Variants in ENAH observed in about 807,000 individuals in gnomAD.
ENAH encodes ENAH actin regulator, also known as protein enabled homolog.
ENAH carries 23 observed loss-of-function variants against 78.7 expected under a neutral mutation model. The ratio of observed to expected loss-of-function variants is 0.29; its 90% CI spans 0.21 to 0.41. The LOEUF (loss-of-function observed/expected upper bound fraction) is 0.41. Ranked by LOEUF, ENAH falls within the 10% of genes least tolerant of loss-of-function variation. The pLI is 1.00. For synonymous variants in ENAH, 226 were observed against 241.0 expected (o/e 0.94, Z 0.58); for missense variants, 544 against 691.0 (o/e 0.79, Z 2.39).
At chr1:225,501,096 G>T in intron 11 of ENAH, 26 bp from the exon 12 acceptor site, 1 of 1,572,648 alleles carries the variant, frequency 6.4e-7, no homozygotes, top group Non-Finnish European at 8.7e-7. Context: ...TTCCAGGACA[G>T]GTAAACAACA....
rs900264512 is a variant in ENAH, at chr1:225,603,855, G to C, written c.6-36441C>G. ...AAATTTAAGTAGCTAATGGCTATGG[G>C]TTTAAATGGTCAAAATAAAAATTGC... On this transcript the variant is annotated intron_variant, in intron 1 of 13. Transcript: ENST00000366843. Among the ~76,000 whole-genome samples the C allele has an allele frequency of 2.6e-5, 4 of 152,292 alleles. No individual in the cohort carries two copies. The South Asian group carries it at 8.3e-4, about 32-fold the overall frequency.
chr1:225,544,043 T>C (rs1168208399), intron 3 of ENAH, among the ~76,000 whole-genome samples: 1 of 152,190 alleles, frequency 6.6e-6, no homozygotes. Context: ...TGGAACAGGT[T>C]TGGCTGCTGC....
intron 11 of ENAH, among the ~76,000 whole-genome samples, chr1:225,506,331 G>A (rs936088774): frequency 5.9e-5 from 9 of 152,190 alleles, no homozygotes; most frequent in African/African-American, 2.2e-4. Flanking sequence ...GGCATCGCAG[G>A]TGTGCGCCAC....
At position 225,489,032 on chromosome 1, in the gene ENAH, T is replaced by C. The variant is rs1020069536; in HGVS notation, c.*8743A>G. 1 of 152,200 alleles carries C rather than the reference T, an allele frequency of 6.6e-6. No individual in the cohort carries two copies. The highest frequency in any genetic ancestry group is 2.4e-5 in the African/African-American group (1 of 41,440). 9.4% of individuals were successfully genotyped at this position (152,200 alleles called of 1,614,324 possible). A position where few individuals can be genotyped will look rare whatever the true frequency, so the allele number is the denominator to read the frequency against. ...ATTATTCCTTTTTTCCTTTCAAGGC[T>C]GACAGTGATAGAATAAACAGCAGCA... On this transcript the variant is annotated 3_prime_UTR_variant, in exon 14 of 14. Coordinates refer to ENST00000366843, the MANE Select transcript of ENAH (RefSeq NM_018212.6).
chr1:225,489,190 T>G lies in ENAH; in HGVS notation c.*8585A>C, dbSNP rs1338321219. ...TTGAACTACAAGAGTCAAATGGACCTTCTGCTATTCATATAATTGGAGCAT... is the reference window on the plus strand; with the variant it reads ...TTGAACTACAAGAGTCAAATGGACCGTCTGCTATTCATATAATTGGAGCAT... On this transcript the variant is annotated 3_prime_UTR_variant, in exon 14 of 14. Transcript: ENST00000366843. The G allele has an allele frequency of 6.6e-6, 1 of 152,180 alleles. No homozygotes were observed. Among genetic ancestry groups the G allele is most frequent in the Non-Finnish European group, 1.5e-5 (1 of 68,040 alleles). The allele number at this position is 152,180 out of a possible 1,614,324, so 9.4% of individuals were successfully genotyped here. A position where few individuals can be genotyped will look rare whatever the true frequency, so the allele number is the denominator to read the frequency against.
intron 1 of ENAH, among the ~76,000 whole-genome samples, chr1:225,601,683 C>A (rs1222563592): frequency 6.6e-6 from 1 of 151,422 alleles, no homozygotes; most frequent in East Asian, 1.9e-4. Flanking sequence ...TATTACTAAA[C>A]CATGTGGTAG....
Position 225,653,008 on chromosome 1 carries a change from C to A in ENAH, c.-318G>T. 1 of 246,214 alleles carries A rather than the reference C, an allele frequency of 4.1e-6. No homozygotes were observed. The allele number at this position is 246,214 out of a possible 1,614,324, so 15.3% of individuals were successfully genotyped here. A position where few individuals can be genotyped will look rare whatever the true frequency, so the allele number is the denominator to read the frequency against. ...CTCCCGGAGCTTCCTCGGCCGCCCT[C>A]TGAGGGGTGCCCGCCGGGGCCGCGC... On this transcript the variant is annotated 5_prime_UTR_variant, in exon 1 of 14. Transcript: ENST00000366843. This position sits in a 1 kb window ranked among gnomAD's most constrained non-coding sequence, Gnocchi z 4.3.
In ENAH at chr1:225,492,460, G is replaced by A. The variant is rs966935765; in HGVS notation, c.*5315C>T. 1 of 152,140 alleles carries A rather than the reference G, an allele frequency of 6.6e-6. No individual in the cohort carries two copies. The highest frequency in any genetic ancestry group is 6.5e-5 in the Admixed American group (1 of 15,268). 9.4% of individuals were successfully genotyped at this position (152,140 alleles called of 1,614,324 possible). A position where few individuals can be genotyped will look rare whatever the true frequency, so the allele number is the denominator to read the frequency against. ...TCTTTTTACTCTCAGCCACCAACTG[G>A]GGCCCCTAATTTTCTCCCTCTGCCT... On this transcript the variant is annotated 3_prime_UTR_variant, in exon 14 of 14. Coordinates refer to ENST00000366843, the MANE Select transcript of ENAH (RefSeq NM_018212.6).
At chr1:225,644,530 T>C (rs1361801808) in intron 1 of ENAH, among the ~76,000 whole-genome samples, 1 of 152,180 alleles carries the variant, frequency 6.6e-6, no homozygotes, top group Non-Finnish European at 1.5e-5. Flanking sequence ...TTATTAAGAC[T>C]GCATAAAAAG....
At chr1:225,615,072 A>ACGGTCTCCCTCTGATGC (rs2097017922) in intron 1 of ENAH, among the ~76,000 whole-genome samples, 1 of 149,280 alleles carries the variant, frequency 6.7e-6, no homozygotes, top group Non-Finnish European at 1.5e-5. Context: ...CTCTCTCTCC[A>ACGGTCTCCCTCTGATGC]CGGTCTCCCT....
rs2096206288 is a variant in ENAH at position 225,487,817 on chromosome 1, G to A, written c.*9958C>T. ...AAGATGACAAGAGATTCCAATTCCA[G>A]CATATATTATGAAAGGTTATGGACT... On this transcript the variant is annotated 3_prime_UTR_variant, in exon 14 of 14. Coordinates refer to ENST00000366843, the MANE Select transcript of ENAH (RefSeq NM_018212.6). 1.3e-5 allele frequency: 2 copies of A among 152,152 alleles called. No homozygotes were observed. Among genetic ancestry groups the A allele is most frequent in the South Asian group, 4.1e-4 (2 of 4,826 alleles). 9.4% of individuals were successfully genotyped at this position (152,152 alleles called of 1,614,324 possible).
At position 225,582,131 on chromosome 1, in the gene ENAH, T is replaced by C. The variant is rs139453303; in HGVS notation, c.6-14717A>G. On this transcript the variant is annotated intron_variant, in intron 1 of 13. Coordinates refer to ENST00000366843, the MANE Select transcript of ENAH (RefSeq NM_018212.6). ...CCCCTTGGTGCTATTCCTTTGATAGTAAGTTCTCATGAGATCTGGTTGTCT... is the reference window on the plus strand; with the variant it reads ...CCCCTTGGTGCTATTCCTTTGATAGCAAGTTCTCATGAGATCTGGTTGTCT... Among the ~76,000 whole-genome samples the C allele has an allele frequency of 9.9e-5, 15 of 152,208 alleles. No individual in the cohort carries two copies. The East Asian group carries it at 2.9e-3, about 29-fold the overall frequency.
intron 3 of ENAH, among the ~76,000 whole-genome samples, chr1:225,550,593 C>T (rs2096636704): frequency 6.6e-6 from 1 of 151,966 alleles, no homozygotes; most frequent in South Asian, 2.1e-4. Context: ...TTTTTAAATG[C>T]TGTGATAAAA....
intron 4 of ENAH, among the ~76,000 whole-genome samples, chr1:225,525,979 G>A (rs886996038): frequency 1.3e-5 from 2 of 152,100 alleles, no homozygotes; most frequent in African/African-American, 4.8e-5. Flanking sequence ...TACAGCCCTA[G>A]GGCCAAATCT....
intron 13 of ENAH, among the ~76,000 whole-genome samples, chr1:225,498,018 G>GA (rs1404051223): frequency 6.6e-6 from 1 of 152,086 alleles, no homozygotes; most frequent in Non-Finnish European, 1.5e-5. Context: ...TATACAAAAT[G>GA]AAAACACTGA....
intron 2 of ENAH, among the ~76,000 whole-genome samples, chr1:225,563,535 T>A (rs1477587468): frequency 6.6e-6 from 1 of 152,216 alleles, no homozygotes; most frequent in African/African-American, 2.4e-5. Context: ...AACCTCTTGC[T>A]TTTGTAGGTT....
chr1:225,575,584 A>G (rs2151572083), intron 1 of ENAH, among the ~76,000 whole-genome samples: 1 of 152,298 alleles, frequency 6.6e-6, no homozygotes, highest in African/African-American at 2.4e-5. Context: ...AAACTACAGC[A>G]ATAACACGCC....
Position 225,495,270 on chromosome 1 carries a change from C to T in ENAH, c.*2505G>A, listed in dbSNP as rs776090020. 6.6e-6 allele frequency: 1 copy of T among 152,460 alleles called. No homozygotes were observed. The highest frequency in any genetic ancestry group is 1.5e-5 in the Non-Finnish European group (1 of 67,994). 9.4% of individuals were successfully genotyped at this position (152,460 alleles called of 1,614,324 possible). The stretch of plus-strand genomic sequence containing the variant: ...CAAAAACCATCATAATAATGTGGTT[C>T]CAAGGAACGTGGTTTTGATAAGGTA... On this transcript the variant is annotated 3_prime_UTR_variant, in exon 14 of 14. Coordinates refer to ENST00000366843, the MANE Select transcript of ENAH (RefSeq NM_018212.6).
At chr1:225,567,615 T>C (rs1226745222) in intron 1 of ENAH, among the ~76,000 whole-genome samples, 2 of 151,982 alleles carry the variant, frequency 1.3e-5, no homozygotes, top group African/African-American at 4.8e-5. Context: ...TAAAGTATAA[T>C]TAAAAGACCA....
Sources: allele counts gnomAD v4.1 joint callset (sites outside exome capture counted in the v4.1 genomes callset), GRCh38; gene constraint gnomAD v4.1.1; non-coding constraint Gnocchi (gnomAD v3.1); transcripts MANE v1.5; gene names NCBI Gene and HGNC (gene_info 2026-07-23, HGNC 2026-07-21).